The following ACAD8 variants were observed in gnomAD, a reference collection of about 807,000 sequenced individuals.
The protein encoded by ACAD8 is isobutyryl-CoA dehydrogenase, mitochondrial.
In ACAD8, 47 loss-of-function variants were observed where a neutral mutation model predicts 53.1. The observed-to-expected ratio is 0.89, with a 90% confidence interval of 0.70 to 1.13. The LOEUF is 1.13. Ranked by LOEUF, ACAD8 falls within the 50% of genes most tolerant of loss-of-function variation. The probability of loss-of-function intolerance (pLI) is 0.00; values close to 1 mark genes in which losing one functional copy is unlikely to be tolerated. For missense variants in ACAD8, 494 were observed against 535.0 expected (o/e 0.92, Z 0.76); for synonymous variants, 198 against 201.3 (o/e 0.98, Z 0.14).
chr11:134,254,494 T>C (rs1469637310), intron 1 of ACAD8, among the ~76,000 whole-genome samples: 1 of 152,218 alleles, frequency 6.6e-6, no homozygotes, highest in Non-Finnish European at 1.5e-5. Flanking sequence ...TTCTGAAATA[T>C]TTTTAAATTT....
intron 2 of ACAD8, 148 bp from the exon 3 acceptor site, chr11:134,256,940 T>A: frequency 1.1e-6 from 1 of 874,742 alleles, no homozygotes; most frequent in Non-Finnish European, 1.9e-6. Context: ...CCATGTTAAC[T>A]GATAACCACT....
rs950148148 is a variant in ACAD8 at position 134,261,515 on chromosome 11, G to A, written c.939+143G>A. ...TAGCCAGAGCTTGTGCTTTATTTCT[G>A]TCCATCTTTTCTTGGGATATCTTTA... On this transcript the variant is annotated intron_variant, in intron 8 of 10. Transcript: ENST00000281182. This position sits in a 1 kb window ranked among gnomAD's most constrained non-coding sequence, Gnocchi z 4.2. The A allele has an allele frequency of 2.7e-6, 4 of 1,505,828 alleles. No individual in the cohort carries two copies. The highest frequency in any genetic ancestry group is 3.6e-6 in the Non-Finnish European group (4 of 1,104,086). 93.3% of individuals were successfully genotyped at this position (1,505,828 alleles called of 1,614,324 possible). A position where few individuals can be genotyped will look rare whatever the true frequency, so the allele number is the denominator to read the frequency against.
At chr11:134,264,848 C>T (rs1940095870) in intron 10 of ACAD8, 60 bp from the exon 11 acceptor site, 1 of 1,490,974 alleles carries the variant, frequency 6.7e-7, no homozygotes, top group Non-Finnish European at 9.4e-7. Flanking sequence ...CTGGTCAGAG[C>T]TTTACTAAAC....
rs748935700 is a variant in ACAD8, at chr11:134,264,922, A to C, written c.1210A>C (p.Met404Leu). 5.0e-6 allele frequency: 8 copies of C among 1,614,194 alleles called. No homozygotes were observed. In the South Asian group the frequency reaches 8.8e-5, roughly 18 times the overall value. The change falls in exon 11 of 11, where the codon ATG (methionine) becomes CTG (leucine). Residue 404 changes from methionine (M) to leucine (L), a missense_variant. Physicochemically the swap from Met to Leu is conservative, Grantham distance 15 (BLOSUM62 2). Transcript: ENST00000281182. ...CCCTCTTACAGGTAGCAATGAAGTGATGAGGATACTGATCTCTAGAAGCCT... is the reference window on the plus strand; with the variant it reads ...CCCTCTTACAGGTAGCAATGAAGTGCTGAGGATACTGATCTCTAGAAGCCT... Reference protein sequence around the residue: ...HQILEGSNEVMRILISRSLLQ... With the variant: ...HQILEGSNEVLRILISRSLLQ...
At position 134,261,657 on chromosome 11, in the gene ACAD8, A is replaced by G. The variant is rs1297220068; in HGVS notation, c.940-81A>G. The G allele has an allele frequency of 1.9e-6, 3 of 1,602,788 alleles. No homozygotes were observed. The African/African-American group carries it at 4.0e-5, about 21-fold the overall frequency. On this transcript the variant is annotated intron_variant, in intron 8 of 10. Transcript: ENST00000281182. This position sits in a 1 kb window ranked among gnomAD's most constrained non-coding sequence, Gnocchi z 4.2. ...GGATCACTTAGAAAAGGCGCCTCCG[A>G]GATGTCTTACCGAGGCTCCTGCACC...
At position 134,258,572 on chromosome 11, in the gene ACAD8, C is replaced by G; in HGVS notation, c.438C>G (p.Cys146Trp). The G allele has an allele frequency of 6.2e-7, 1 of 1,613,866 alleles. No homozygotes were observed. The highest frequency in any genetic ancestry group is 8.5e-7 in the Non-Finnish European group (1 of 1,179,920). ...FGNEEQRHKF[C>W]PPLCTMEKFA... ...ATGAGGAACAGAGGCACAAATTTTG[C>G]CCACCGCTCTGTACCATGGAGAAGT... Residue 146 changes from cysteine to tryptophan, a missense_variant, in exon 4 of 11, where the codon TGC becomes TGG. Cys to Trp is a radical substitution (Grantham distance 215). Coordinates refer to ENST00000281182, the MANE Select transcript of ACAD8 (RefSeq NM_014384.3).
chr11:134,260,992 C>T (rs1415413301), intron 6 of ACAD8, 52 bp from the exon 7 acceptor site: 14 of 1,600,510 alleles, frequency 8.7e-6, no homozygotes, highest in Admixed American at 1.7e-5. Context: ...CAGGGAAGGC[C>T]GCCCTACCTG....
chr11:134,254,949 T>C (rs551169129), intron 1 of ACAD8, among the ~76,000 whole-genome samples: 1 of 152,206 alleles, frequency 6.6e-6, no homozygotes, highest in Non-Finnish European at 1.5e-5. Flanking sequence ...GAACTTGTGT[T>C]TACTTATGCA....
rs200275294 is a variant in ACAD8, at chr11:134,259,655, C to T, written c.615C>T (p.Cys205=). 2.6e-5 allele frequency: 42 copies of T among 1,614,144 alleles called. 1 individual carries two copies. The highest frequency in any genetic ancestry group is 2.4e-4 in the South Asian group (22 of 91,084). The change falls in exon 6 of 11, where the codon TGC becomes TGT. Residue 205 remains cysteine (C), a synonymous_variant. Transcript: ENST00000281182. ...AGESDIYVVM[C]RTGGPGPKGI... ...AGTCAGACATCTATGTGGTCATGTG[C>T]CGAACAGGAGGACCAGGCCCCAAGG...
intron 10 of ACAD8, 143 bp from the exon 11 acceptor site, chr11:134,264,765 C>T: frequency 1.3e-6 from 1 of 793,882 alleles, no homozygotes; most frequent in Non-Finnish European, 2.3e-6. Context: ...CTCTGATAAT[C>T]TCATCTCTCC....
Position 134,264,943 on chromosome 11 carries a change from A to C in ACAD8, c.1231A>C (p.Ser411Arg), listed in dbSNP as rs1247741162. The part of the protein sequence containing the change: ...NEVMRILISR[S>R]LLQE Reference sequence around the variant, plus strand: ...AGTGATGAGGATACTGATCTCTAGAAGCCTGCTTCAGGAGTAGAACCCACA... The same window carrying C: ...AGTGATGAGGATACTGATCTCTAGACGCCTGCTTCAGGAGTAGAACCCACA... Residue 411 changes from serine (S) to arginine (R), a missense_variant, in exon 11 of 11, where the codon AGC becomes CGC. Coordinates refer to ENST00000281182, the MANE Select transcript of ACAD8 (RefSeq NM_014384.3). 6.2e-7 allele frequency: 1 copy of C among 1,614,212 alleles called. No homozygotes were observed. The highest frequency in any genetic ancestry group is 2.2e-5 in the East Asian group (1 of 44,880).
intron 10 of ACAD8, among the ~76,000 whole-genome samples, 172 bp from the exon 11 acceptor site, chr11:134,264,736 C>T (rs530943127): frequency 6.6e-6 from 1 of 152,264 alleles, no homozygotes; most frequent in South Asian, 2.1e-4. Flanking sequence ...TGACATTTTT[C>T]AGTACTTTGT....
rs984041825 is a variant in ACAD8 at position 134,265,132 on chromosome 11, C to A, written c.*172C>A. 2 of 684,118 alleles carry A rather than the reference C, an allele frequency of 2.9e-6. No homozygotes were observed. Among genetic ancestry groups the A allele is most frequent in the Admixed American group, 2.3e-5 (1 of 42,964 alleles). The allele number at this position is 684,118 out of a possible 1,614,324, so 42.4% of individuals were successfully genotyped here. The stretch of plus-strand genomic sequence containing the variant: ...ACCAGCATCGGGTCTTGGACTGGGG[C>A]AGAATCCCCAGTGGAACCGGAAGAG... On this transcript the variant is annotated 3_prime_UTR_variant, in exon 11 of 11. Transcript: ENST00000281182.
At chr11:134,258,291 A>G (rs1171855568) in intron 3 of ACAD8, 2 of 591,490 alleles carry the variant, frequency 3.4e-6, no homozygotes, top group Non-Finnish European at 6.0e-6. Context: ...CGTGCTGGTG[A>G]GAAGTACCTC....
Position 134,265,142 on chromosome 11 carries a change from A to G in ACAD8, c.*182A>G, listed in dbSNP as rs907590976. On this transcript the variant is annotated 3_prime_UTR_variant, in exon 11 of 11. Transcript: ENST00000281182. ...GGTCTTGGACTGGGGCAGAATCCCC[A>G]GTGGAACCGGAAGAGCTGGACTGAT... 3.0e-6 allele frequency: 2 copies of G among 662,202 alleles called. No individual in the cohort carries two copies. The highest frequency in any genetic ancestry group is 5.4e-6 in the Non-Finnish European group (2 of 369,922). 41.0% of individuals were successfully genotyped at this position (662,202 alleles called of 1,614,324 possible).
chr11:134,255,808 C>G (rs745443917), intron 1 of ACAD8, among the ~76,000 whole-genome samples: 19 of 152,248 alleles, frequency 1.2e-4, no homozygotes, highest in Non-Finnish European at 2.6e-4. Flanking sequence ...GACTCTGGCA[C>G]CTGCCCTTGT....
intron 1 of ACAD8, 110 bp downstream of exon 1, chr11:134,253,819 C>T (rs931645768): frequency 2.6e-6 from 3 of 1,174,564 alleles, no homozygotes; most frequent in Non-Finnish European, 3.7e-6. Flanking sequence ...GCGTCAGCTC[C>T]CCTTCCGGCC....
rs1175536863 is a variant in ACAD8 at position 134,253,665 on chromosome 11, T to G, written c.65T>G (p.Val22Gly). 6.3e-7 allele frequency: 1 copy of G among 1,598,820 alleles called. No homozygotes were observed. Among genetic ancestry groups the G allele is most frequent in the Admixed American group, 1.7e-5 (1 of 58,422 alleles). Reference sequence around the variant, plus strand: ...GGCTGCCTGCCCGGCGGTCTCCGGGTCCTCGTCCAGACCGGCCACCGGAGC... The same window carrying G: ...GGCTGCCTGCCCGGCGGTCTCCGGGGCCTCGTCCAGACCGGCCACCGGAGC... Reference protein sequence around the residue: ...RLGCLPGGLRVLVQTGHRSLT... With the variant: ...RLGCLPGGLRGLVQTGHRSLT... The change falls in exon 1 of 11, where the codon GTC (valine) becomes GGC (glycine). Residue 22 changes from valine (V) to glycine (G), a missense_variant. Coordinates refer to ENST00000281182, the MANE Select transcript of ACAD8 (RefSeq NM_014384.3).
chr11:134,262,994 A>C, intron 10 of ACAD8: 1 of 1,209,380 alleles, frequency 8.3e-7, no homozygotes, highest in Non-Finnish European at 1.1e-6. Flanking sequence ...GGCAAATGTG[A>C]GCCAGTATGG....
Sources: gnomAD v4.1 joint callset for allele counts (sites outside exome capture counted in the v4.1 genomes callset) on GRCh38, gnomAD v4.1.1 for gene constraint, Gnocchi (gnomAD v3.1) non-coding constraint, MANE v1.5 for transcripts, NCBI Gene and HGNC (gene_info 2026-07-23, HGNC 2026-07-21) for gene names.